WDR5: variants seen among roughly 807,000 people sequenced by gnomAD.
The protein encoded by WDR5 is WD repeat-containing protein 5.
For synonymous variants in WDR5, 144 were observed against 161.6 expected (o/e 0.89, Z 0.83); for missense variants, 187 against 416.9 (o/e 0.45, Z 4.80).
intron 9 of WDR5, among the ~76,000 whole-genome samples, chr9:134,154,251 C>T (rs1451386091): frequency 1.3e-5 from 2 of 152,126 alleles, no homozygotes; most frequent in Non-Finnish European, 2.9e-5. Context: ...AAGGGGCCCC[C>T]GGGCCTATGG....
chr9:134,137,584 T>A (rs891054179), intron 1 of WDR5, among the ~76,000 whole-genome samples: 4 of 147,288 alleles, frequency 2.7e-5, no homozygotes, highest in Non-Finnish European at 4.4e-5. Flanking sequence ...AACTGGAGGC[T>A]GAGGCGCAAG....
rs771087103 is a variant in WDR5 at position 134,152,044 on chromosome 9, G to C, written c.631+15G>C. On this transcript the variant is annotated intron_variant, in intron 9 of 13. Coordinates refer to ENST00000358625, the MANE Select transcript of WDR5 (RefSeq NM_017588.3). Reference sequence around the variant, plus strand: ...GACGCTCATCGGTGAGTGTGGCTCTGTGTGGGGGCTGGGTCTGTGGGGAGG... The same window carrying C: ...GACGCTCATCGGTGAGTGTGGCTCTCTGTGGGGGCTGGGTCTGTGGGGAGG... 9.3e-6 allele frequency: 15 copies of C among 1,613,054 alleles called. No individual in the cohort carries two copies. Among genetic ancestry groups the C allele is most frequent in the African/African-American group, 1.3e-5 (1 of 74,878 alleles).
intron 1 of WDR5, among the ~76,000 whole-genome samples, chr9:134,138,195 G>A (rs914782419): frequency 2.0e-5 from 3 of 152,214 alleles, no homozygotes; most frequent in Non-Finnish European, 2.9e-5. Flanking sequence ...CCTCCTCTGA[G>A]GGTGTTTCCA....
At chr9:134,152,143 G>C in intron 9 of WDR5, 114 bp downstream of exon 9, 1 of 1,270,862 alleles carries the variant, frequency 7.9e-7, no homozygotes, top group Non-Finnish European at 1.1e-6. Context: ...GTCCGCCCCT[G>C]CAGGAGGAAC....
At chr9:134,153,822 A>G (rs79698274) in intron 9 of WDR5, among the ~76,000 whole-genome samples, 5,875 of 151,882 alleles carry the variant, frequency 0.039, 373 homozygotes, top group African/African-American at 0.13. Context: ...CCTCCTCCTC[A>G]CTCAGGTGAG....
chr9:134,146,447 G>T (rs1832206614), intron 7 of WDR5, among the ~76,000 whole-genome samples: 1 of 152,170 alleles, frequency 6.6e-6, no homozygotes, highest in African/African-American at 2.4e-5. Context: ...TGTTGGCCAG[G>T]CTGGTCTCGA....
At chr9:134,155,655 C>G (rs1356791619) in intron 11 of WDR5, 38 bp from the exon 12 acceptor site, 1 of 1,600,268 alleles carries the variant, frequency 6.2e-7, no homozygotes, top group Admixed American at 1.7e-5. Context: ...TCAAGGGGAA[C>G]CATGACTCTG....
intron 6 of WDR5, 96 bp downstream of exon 6, chr9:134,142,518 G>C: frequency 6.4e-7 from 1 of 1,552,064 alleles, no homozygotes; most frequent in South Asian, 1.1e-5. Context: ...AGGCAGGTGG[G>C]CCCTGAGTCC....
At chr9:134,140,011 A>T in intron 2 of WDR5, 53 bp downstream of exon 2, 2 of 1,595,732 alleles carry the variant, frequency 1.3e-6, no homozygotes, top group East Asian at 2.2e-5. Context: ...ACGCTTAGAG[A>T]GTCTCGGAAA....
Position 134,157,771 on chromosome 9 carries a change from A to G in WDR5, c.905-122A>G, listed in dbSNP as rs1832815217. On this transcript the variant is annotated intron_variant, in intron 13 of 13. Transcript: ENST00000358625. This position sits in a 1 kb window ranked among gnomAD's most constrained non-coding sequence, Gnocchi z 5.0. ...GTGGGCAGTGGGTGCTTGTCCTGTG[A>G]CCTCCCAGGTGGCGGGCAGGCGCTA... The G allele has an allele frequency of 8.3e-6, 7 of 842,264 alleles. No individual in the cohort carries two copies. The highest frequency in any genetic ancestry group is 1.7e-5 in the African/African-American group (1 of 58,708). 52.2% of individuals were successfully genotyped at this position (842,264 alleles called of 1,614,324 possible).
At chr9:134,146,700 A>G (rs576188319) in intron 7 of WDR5, among the ~76,000 whole-genome samples, 1 of 152,356 alleles carries the variant, frequency 6.6e-6, no homozygotes, top group South Asian at 2.1e-4. Context: ...GAACAAAGCA[A>G]AGCATGGAGT....
chr9:134,152,076 C>G lies in WDR5; in HGVS notation c.631+47C>G, dbSNP rs200226561. On this transcript the variant is annotated intron_variant, in intron 9 of 13. Coordinates refer to ENST00000358625, the MANE Select transcript of WDR5 (RefSeq NM_017588.3). ...GGCTGGGTCTGTGGGGAGGGCCTCC[C>G]CTGCTGGGTTCACTGCCCCTGTTCT... 5.4e-4 allele frequency: 871 copies of G among 1,600,550 alleles called. 2 individuals are homozygous for G. In the African/African-American group the frequency reaches 0.011, roughly 19 times the overall value.
chr9:134,158,183 G>A lies in WDR5; in HGVS notation c.*190G>A. The A allele has an allele frequency of 1.8e-6, 1 of 559,372 alleles. No individual in the cohort carries two copies. The highest frequency in any genetic ancestry group is 3.2e-6 in the Non-Finnish European group (1 of 313,008). The allele number at this position is 559,372 out of a possible 1,614,324, so 34.7% of individuals were successfully genotyped here. A position where few individuals can be genotyped will look rare whatever the true frequency, so the allele number is the denominator to read the frequency against. On this transcript the variant is annotated 3_prime_UTR_variant, in exon 14 of 14. Transcript: ENST00000358625. ...CACCGGAAAGTTCTTAAAAGTTGCTGGTGACATTTCTTGCCAATTCTAACA... is the reference window on the plus strand; with the variant it reads ...CACCGGAAAGTTCTTAAAAGTTGCTAGTGACATTTCTTGCCAATTCTAACA...
rs900802428 is a variant in WDR5 at position 134,140,881 on chromosome 9, G to T, written c.190+70G>T. 2.0e-4 allele frequency: 295 copies of T among 1,471,134 alleles called. No homozygotes were observed. Among genetic ancestry groups the T allele is most frequent in the Non-Finnish European group, 2.7e-4 (279 of 1,050,906 alleles). 91.1% of individuals were successfully genotyped at this position (1,471,134 alleles called of 1,614,324 possible). A position where few individuals can be genotyped will look rare whatever the true frequency, so the allele number is the denominator to read the frequency against. On this transcript the variant is annotated intron_variant, in intron 3 of 13. Coordinates refer to ENST00000358625, the MANE Select transcript of WDR5 (RefSeq NM_017588.3). Reference sequence around the variant, plus strand: ...GCTGCAGACAAAAAGCTGGCGAGGGGATGGCTTGCTTCCTCACCTACCGCT... The same window carrying T: ...GCTGCAGACAAAAAGCTGGCGAGGGTATGGCTTGCTTCCTCACCTACCGCT...
At chr9:134,153,796 A>T (rs1832614853) in intron 9 of WDR5, among the ~76,000 whole-genome samples, 1 of 152,004 alleles carries the variant, frequency 6.6e-6, no homozygotes, top group South Asian at 2.1e-4. Flanking sequence ...ACCAGGACAC[A>T]CCTTCCTTGA....
chr9:134,155,538 A>G lies in WDR5; in HGVS notation c.742-155A>G, dbSNP rs28510147. On this transcript the variant is annotated intron_variant, in intron 11 of 13. Transcript: ENST00000358625. ...AAGACCTGGGTATTTGTAGGGTGGC[A>G]GTCTGCAAGTTAAATCTTCGATTGT... 3.2e-3 allele frequency among the ~76,000 whole-genome samples: 493 copies of G among 152,338 alleles called. 2 individuals are homozygous for G. The highest frequency in any genetic ancestry group is 0.011 in the African/African-American group (472 of 41,572).
chr9:134,145,458 G>T (rs1424916347), intron 7 of WDR5, among the ~76,000 whole-genome samples: 1 of 152,190 alleles, frequency 6.6e-6, no homozygotes, highest in African/African-American at 2.4e-5. Context: ...TGGGCCTGCT[G>T]TGTGAGCAAG....
Position 134,151,979 on chromosome 9 carries a change from G to T in WDR5, c.585-4G>T, listed in dbSNP as rs771961962. ...TACGCTTTTTTGTTCTCTTTGCTTCGAAGTCGCATCTGGGACACCGCCTCA... is the reference window on the plus strand; with the variant it reads ...TACGCTTTTTTGTTCTCTTTGCTTCTAAGTCGCATCTGGGACACCGCCTCA... On this transcript the variant is annotated splice_polypyrimidine_tract_variant and splice_region_variant and intron_variant, in intron 8 of 13. Transcript: ENST00000358625. 6 of 1,613,652 alleles carry T rather than the reference G, an allele frequency of 3.7e-6. No individual in the cohort carries two copies. In the South Asian group the frequency reaches 6.6e-5, roughly 18 times the overall value.
At position 134,139,819 on chromosome 9, in the gene WDR5, G is replaced by C; in HGVS notation, c.-58-1G>C. Reference sequence around the variant, plus strand: ...TCCCTGTTCTGCATCTCGCTCAACAGACTGCCTCTGTCACCGGGTCCCTCC... The same window carrying C: ...TCCCTGTTCTGCATCTCGCTCAACACACTGCCTCTGTCACCGGGTCCCTCC... On this transcript the variant is annotated splice_acceptor_variant, in intron 1 of 13. Transcript: ENST00000358625. LOFTEE classifies it low-confidence loss of function (5UTR_SPLICE). 1.3e-6 allele frequency: 2 copies of C among 1,587,640 alleles called. No homozygotes were observed. The highest frequency in any genetic ancestry group is 1.7e-6 in the Non-Finnish European group (2 of 1,157,862).
Sources: gnomAD v4.1 joint callset for allele counts (sites outside exome capture counted in the v4.1 genomes callset) on GRCh38, gnomAD v4.1.1 for gene constraint, Gnocchi (gnomAD v3.1) non-coding constraint, MANE v1.5 for transcripts, NCBI Gene and HGNC (gene_info 2026-07-23, HGNC 2026-07-21) for gene names.